The following MED12L variants were observed in gnomAD, a reference collection of about 807,000 sequenced individuals.
The protein encoded by MED12L is mediator of RNA polymerase II transcription subunit 12-like protein.
In MED12L, 60 loss-of-function variants were observed where a neutral mutation model predicts 281.3. The observed-to-expected ratio is 0.21, with a 90% CI of 0.17 to 0.26. The LOEUF (loss-of-function observed/expected upper bound fraction) is 0.26. Among genes scored for constraint, MED12L ranks in the 10% least tolerant of loss-of-function variants. The pLI is 1.00. For missense variants in MED12L, 2,146 were observed against 2,680.9 expected (o/e 0.80, Z 4.41); for synonymous variants, 974 against 987.2 (o/e 0.99, Z 0.25).
Position 151,191,304 on chromosome 3 carries a change from C to T in MED12L, c.1968+373C>T, listed in dbSNP as rs140743090. Among the ~76,000 whole-genome samples the T allele has an allele frequency of 4.5e-4, 68 of 152,286 alleles. 1 individual carries two copies. The highest frequency in any genetic ancestry group is 1.5e-3 in the African/African-American group (63 of 41,562). On this transcript the variant is annotated intron_variant, in intron 14 of 44. Coordinates refer to ENST00000687756, the MANE Select transcript of MED12L (RefSeq NM_001393769.1). Reference sequence around the variant, plus strand: ...TCAGCTGAGTTTTCATTCTAAGAATCGTCTTTTCCCTAATGTATCATTCAT... The same window carrying T: ...TCAGCTGAGTTTTCATTCTAAGAATTGTCTTTTCCCTAATGTATCATTCAT...
chr3:151,352,424 A>T (rs1341617626), intron 17 of MED12L, among the ~76,000 whole-genome samples: 2 of 152,160 alleles, frequency 1.3e-5, no homozygotes, highest in Admixed American at 6.5e-5. Context: ...GAAAGCTGTT[A>T]ATTTGGGATG....
intron 11 of MED12L, among the ~76,000 whole-genome samples, chr3:151,178,554 T>A (rs1362608142): frequency 1.3e-5 from 2 of 152,204 alleles, no homozygotes; most frequent in African/African-American, 4.8e-5. Flanking sequence ...CCCAGGTTCT[T>A]TTGACACACA....
intron 11 of MED12L, among the ~76,000 whole-genome samples, chr3:151,176,829 T>C (rs1042856213): frequency 2.7e-5 from 4 of 150,798 alleles, no homozygotes; most frequent in Non-Finnish European, 2.9e-5. Context: ...AACTGCGGAA[T>C]TAAGTCAGTT....
At position 151,088,774 on chromosome 3, in the gene MED12L, C is replaced by T. The variant is rs935277100; in HGVS notation, c.99+1749C>T. ...GTGAAACAGGCCTGGGAAAGCTTGACTCGTTTAACCAAGGTGTATAGGTGA... is the reference window on the plus strand; with the variant it reads ...GTGAAACAGGCCTGGGAAAGCTTGATTCGTTTAACCAAGGTGTATAGGTGA... On this transcript the variant is annotated intron_variant, in intron 2 of 44. Coordinates refer to ENST00000687756, the MANE Select transcript of MED12L (RefSeq NM_001393769.1). Among the ~76,000 whole-genome samples, 4 of 152,274 alleles carry T rather than the reference C, an allele frequency of 2.6e-5. No homozygotes were observed. In the East Asian group the frequency reaches 7.7e-4, roughly 29 times the overall value.
chr3:151,272,582 C>G (rs189103229), intron 16 of MED12L, among the ~76,000 whole-genome samples: 1 of 152,272 alleles, frequency 6.6e-6, no homozygotes, highest in African/African-American at 2.4e-5. Flanking sequence ...GATATTCTTA[C>G]AAAGTGCATA....
Position 151,138,886 on chromosome 3 carries a change from C to T in MED12L, c.556+10902C>T, listed in dbSNP as rs576214285. Among the ~76,000 whole-genome samples, 7 of 152,220 alleles carry T rather than the reference C, an allele frequency of 4.6e-5. No individual in the cohort carries two copies. In the South Asian group the frequency reaches 1.5e-3, roughly 32 times the overall value. ...TTTGGAAGGAAGTAATATGGACAGT[C>T]CACACTTAAGAAGTGGGGAGTTAAC... On this transcript the variant is annotated intron_variant, in intron 5 of 44. Transcript: ENST00000687756.
chr3:151,180,521 A>G (rs1722583847), intron 11 of MED12L, among the ~76,000 whole-genome samples: 2 of 152,358 alleles, frequency 1.3e-5, no homozygotes, highest in African/African-American at 4.8e-5. Context: ...AAGAAAGCAC[A>G]TTAATGGGTA....
intron 2 of MED12L, among the ~76,000 whole-genome samples, chr3:151,113,653 T>G (rs1712277764): frequency 6.6e-6 from 1 of 152,130 alleles, no homozygotes; most frequent in Non-Finnish European, 1.5e-5. Flanking sequence ...GAATGCAAAG[T>G]TTAAACTTCT....
At chr3:151,416,172 A>T in intron 42 of MED12L, 140 bp from the exon 43 acceptor site, 1 of 1,483,262 alleles carries the variant, frequency 6.7e-7, no homozygotes, top group Admixed American at 1.8e-5. Flanking sequence ...GAGGTTCAGC[A>T]AGGTAGAGAT....
chr3:151,242,695 TAAA>T (rs1734455753), intron 16 of MED12L, among the ~76,000 whole-genome samples: 1 of 152,048 alleles, frequency 6.6e-6, no homozygotes. Flanking sequence ...CTGGAAACTA[TAAA>T]AAGAGAGCGC....
intron 39 of MED12L, among the ~76,000 whole-genome samples, chr3:151,408,288 G>A (rs74800602): frequency 0.012 from 1,786 of 152,248 alleles, 32 homozygotes; most frequent in African/African-American, 0.04. Flanking sequence ...CTTAATAATC[G>A]TTGATATCCT....
chr3:151,190,885 A>G lies in MED12L; in HGVS notation c.1922A>G (p.Glu641Gly). The G allele has an allele frequency of 6.2e-7, 1 of 1,614,130 alleles. No individual in the cohort carries two copies. The highest frequency in any genetic ancestry group is 8.5e-7 in the Non-Finnish European group (1 of 1,180,012). ...ASTRPRSPVG[E>G]NADEHYSKDH... is the part of the protein sequence containing the mutation. ...ACTCGGCCGCGGTCACCAGTAGGGG[A>G]AAATGCAGATGAACACTATTCAAAG... The change falls in exon 14 of 45, where the codon GAA (glutamate) becomes GGA (glycine). Residue 641 changes from glutamate (E) to glycine (G), a missense_variant. This residue lies in a region of MED12L where 722 missense variants were observed against 861.2 expected (regional missense o/e 0.84). Coordinates refer to ENST00000687756, the MANE Select transcript of MED12L (RefSeq NM_001393769.1).
intron 16 of MED12L, chr3:151,327,568 G>GA (rs1749779040): frequency 6.8e-6 from 1 of 147,944 alleles, no homozygotes. Context: ...AGAGTTGGGC[G>GA]TTTTTTTTTT....
chr3:151,423,122 C>T (rs1258243183), intron 43 of MED12L, among the ~76,000 whole-genome samples: 1 of 151,172 alleles, frequency 6.6e-6, no homozygotes, highest in Non-Finnish European at 1.5e-5. Context: ...CTGGTTCAAG[C>T]GATTCTCCTG....
rs367758894 is a variant in MED12L at position 151,284,596 on chromosome 3, ATGTTTGTT to A, written c.2251-65445_2251-65438del. Among the ~76,000 whole-genome samples the A allele has an allele frequency of 4.8e-4, 73 of 152,076 alleles. 1 individual carries two copies. Among genetic ancestry groups the A allele is most frequent in the East Asian group, 4.5e-3 (23 of 5,162 alleles). ...ATCAGTGAGGCCAAATTTTTTATGT[ATGTTTGTT>A]TGTTTGTTTGTTTGTTTTTTGAGAC... On this transcript the variant is annotated intron_variant, in intron 16 of 44. Coordinates refer to ENST00000687756, the MANE Select transcript of MED12L (RefSeq NM_001393769.1).
intron 39 of MED12L, among the ~76,000 whole-genome samples, chr3:151,402,691 G>A (rs1715832453): frequency 4.6e-5 from 7 of 152,130 alleles, no homozygotes; most frequent in Admixed American, 4.6e-4. Flanking sequence ...TAACCTCCAT[G>A]TTGTGCTATT....
At chr3:151,349,938 A>G in intron 16 of MED12L, 121 bp from the exon 17 acceptor site, 1 of 726,990 alleles carries the variant, frequency 1.4e-6, no homozygotes, top group Non-Finnish European at 2.1e-6. Context: ...AATTGAAGGG[A>G]GGGCGGGATG....
chr3:151,213,249 T>C, intron 16 of MED12L: 1 of 1,358,686 alleles, frequency 7.4e-7, no homozygotes. Flanking sequence ...TGTTATGTAA[T>C]TGAAGATGAC....
intron 16 of MED12L, among the ~76,000 whole-genome samples, chr3:151,280,670 C>T (rs1343126049): frequency 2.0e-5 from 3 of 151,674 alleles, no homozygotes; most frequent in East Asian, 1.9e-4. Flanking sequence ...TTTATTGGCA[C>T]GTAGCAGTAC....
Sources: gnomAD v4.1 joint callset for allele counts (sites outside exome capture counted in the v4.1 genomes callset) on GRCh38, gnomAD v4.1.1 for gene constraint, gnomAD v4.1.1 regional missense constraint, MANE v1.5 for transcripts, NCBI Gene and HGNC (gene_info 2026-07-23, HGNC 2026-07-21) for gene names.